The following MYO18B variants were observed in gnomAD, a reference collection of about 807,000 sequenced individuals.
MYO18B encodes unconventional myosin-XVIIIb.
In MYO18B, 204 loss-of-function variants were observed where a neutral mutation model predicts 273.0. The ratio of observed to expected loss-of-function variants is 0.75; its 90% CI spans 0.67 to 0.84. The LOEUF (loss-of-function observed/expected upper bound fraction) is 0.84, where lower values mean the gene tolerates loss of function less well. Ranked by LOEUF, MYO18B falls within the 40% of genes least tolerant of loss-of-function variation. The pLI, the probability that MYO18B is intolerant of heterozygous loss-of-function variation, is 0.00. For missense variants in MYO18B, 3,212 were observed against 3,287.6 expected, an observed-to-expected ratio of 0.98 and a Z score of 0.56; for synonymous variants, 1,330 against 1,305.7, an observed-to-expected ratio of 1.02 and a Z score of -0.40.
intron 26 of MYO18B, 124 bp downstream of exon 26, chr22:25,890,999 G>A (rs2091646327): frequency 7.3e-7 from 1 of 1,374,638 alleles, no homozygotes; most frequent in South Asian, 1.4e-5. Context: ...ACTGACTGCT[G>A]GGCTCAAGGT....
chr22:25,761,174 C>T, intron 2 of MYO18B, 43 bp downstream of exon 2: 1 of 1,608,688 alleles, frequency 6.2e-7, no homozygotes, highest in Non-Finnish European at 8.5e-7. Flanking sequence ...TCTGCAGGGA[C>T]TGACTCGACC....
At chr22:25,969,856 T>C (rs752293558) in intron 39 of MYO18B, among the ~76,000 whole-genome samples, 12 of 152,232 alleles carry the variant, frequency 7.9e-5, no homozygotes, top group Non-Finnish European at 1.3e-4. Flanking sequence ...GGGGATTACT[T>C]AATAAAATAA....
intron 11 of MYO18B, among the ~76,000 whole-genome samples, chr22:25,797,188 G>A (rs1166461485): frequency 4.6e-5 from 7 of 152,102 alleles, no homozygotes; most frequent in African/African-American, 9.7e-5. Flanking sequence ...AGATTGTGCC[G>A]TTGCACTCCA....
In MYO18B at chr22:25,950,550, G is replaced by GTGTGTGTGTGTGTGTA. The variant is rs539614518; in HGVS notation, c.5832+101_5832+102insGTGTGTGTGTGTGTAT. 8.8e-4 allele frequency: 652 copies of GTGTGTGTGTGTGTGTA among 740,334 alleles called. 1 individual carries two copies. In the East Asian group the frequency reaches 0.018, roughly 21 times the overall value. The allele number at this position is 740,334 out of a possible 1,614,324, so 45.9% of individuals were successfully genotyped here. A position where few individuals can be genotyped will look rare whatever the true frequency, so the allele number is the denominator to read the frequency against. ...TGTGTGTGTGTGTGTGTGTGTGTGTGTATGAGTTTATTGTTTGTTTATTTG... is the reference window on the plus strand; with the variant it reads ...TGTGTGTGTGTGTGTGTGTGTGTGTGTGTGTGTGTGTGTGTATATGAGTTTATTGTTTGTTTATTTG... On this transcript the variant is annotated intron_variant, in intron 37 of 43. Coordinates refer to ENST00000335473, the MANE Select transcript of MYO18B (RefSeq NM_032608.7).
intron 11 of MYO18B, among the ~76,000 whole-genome samples, chr22:25,795,863 A>G (rs985962068): frequency 6.6e-6 from 1 of 152,178 alleles, no homozygotes; most frequent in African/African-American, 2.4e-5. Context: ...GGAGGGGACA[A>G]GTATCTTGGA....
intron 34 of MYO18B, among the ~76,000 whole-genome samples, chr22:25,924,326 T>C (rs1487797206): frequency 6.6e-6 from 1 of 152,228 alleles, no homozygotes; most frequent in African/African-American, 2.4e-5. Context: ...GCTACTTAAG[T>C]GCTGAGCATG....
In MYO18B at chr22:25,846,182, C is replaced by T. The variant is rs2090238098; in HGVS notation, c.3451C>T (p.Gln1151Ter). 2 of 1,611,780 alleles carry T rather than the reference C, an allele frequency of 1.2e-6. No individual in the cohort carries two copies. The highest frequency in any genetic ancestry group is 1.1e-5 in the South Asian group (1 of 90,816). ...RAVAGLEGTSQQALQRSRMVR... is the reference protein window; with the variant it reads ...RAVAGLEGTS ...TGTGGCAGGCCTGGAGGGCACCTCC[C>T]AGCAGGCCCTGCAGAGGAGCCGCAT... is the stretch of plus-strand genomic sequence containing the variant. Residue 1151 changes from glutamine to a stop codon, truncating the protein, a stop_gained, in exon 19 of 44, where the codon CAG (glutamine) becomes TAG (stop). Transcript: ENST00000335473. LOFTEE classifies it high-confidence loss of function.
intron 1 of MYO18B, among the ~76,000 whole-genome samples, chr22:25,758,317 G>T (rs1601605251): frequency 1.4e-5 from 2 of 140,996 alleles, no homozygotes; most frequent in Non-Finnish European, 1.5e-5. Context: ...TGGCAGGAAA[G>T]TTTTTTTTTT....
At position 26,026,923 on chromosome 22, in the gene MYO18B, G is replaced by A. The variant is rs187337528; in HGVS notation, c.6949G>A (p.Ala2317Thr). The A allele has an allele frequency of 1.9e-5, 31 of 1,612,236 alleles. No homozygotes were observed. Among genetic ancestry groups the A allele is most frequent in the South Asian group, 1.8e-4 (16 of 90,960 alleles). Residue 2317 changes from alanine (A) to threonine (T), a missense_variant, in exon 43 of 44, where the codon GCT becomes ACT. Coordinates refer to ENST00000335473, the MANE Select transcript of MYO18B (RefSeq NM_032608.7). ...GTCACCCCTGGAAATCGAAGGGGCCGCTGGTGGTCTCTTGAGGTCCACCAG... is the reference window on the plus strand; with the variant it reads ...GTCACCCCTGGAAATCGAAGGGGCCACTGGTGGTCTCTTGAGGTCCACCAG... ...AKSPLEIEGA[A>T]GGLLRSTSLK...
Position 25,955,255 on chromosome 22 carries a change from A to C in MYO18B, c.6047A>C (p.Gln2016Pro). 6.2e-7 allele frequency: 1 copy of C among 1,613,678 alleles called. No homozygotes were observed. The highest frequency in any genetic ancestry group is 8.5e-7 in the Non-Finnish European group (1 of 1,179,834). Residue 2016 changes from glutamine (Q) to proline (P), a missense_variant, in exon 39 of 44, where the codon CAG (glutamine) becomes CCG (proline). Transcript: ENST00000335473. ...TCACAGGCGGCCACCTCCGAGTCCCAGCAGCGGGAGAGCAGCCAGTACTAC... is the reference window on the plus strand; with the variant it reads ...TCACAGGCGGCCACCTCCGAGTCCCCGCAGCGGGAGAGCAGCCAGTACTAC... ...ELSQAATSESQQRESSQYYQR... is the reference protein window; with the variant it reads ...ELSQAATSESPQRESSQYYQR...
At chr22:26,048,196 G>A in the MYO18B span, among the ~76,000 whole-genome samples, 5 of 152,018 alleles carry the variant, frequency 3.3e-5, no homozygotes, top group Admixed American at 1.3e-4. Context: ...GTCTGTTTCC[G>A]CTACTACTCA....
At chr22:26,050,855 A>C in the MYO18B span, among the ~76,000 whole-genome samples, 1 of 152,202 alleles carries the variant, frequency 6.6e-6, no homozygotes, top group South Asian at 2.1e-4. Context: ...GAGAAGGTCC[A>C]CCAGCGAATA....
chr22:25,827,388 TG>T (rs1291324821), intron 14 of MYO18B, among the ~76,000 whole-genome samples: 1 of 152,200 alleles, frequency 6.6e-6, no homozygotes, highest in Non-Finnish European at 1.5e-5. Context: ...TGGAGTGGGC[TG>T]GGGTGTGCCT....
At chr22:25,905,628 A>G (rs917684883) in intron 31 of MYO18B, among the ~76,000 whole-genome samples, 2 of 152,324 alleles carry the variant, frequency 1.3e-5, no homozygotes, top group East Asian at 3.9e-4. Flanking sequence ...AAAAGCCTGA[A>G]GACAGACAGG....
chr22:25,933,257 A>G lies in MYO18B; in HGVS notation c.5517+11848A>G, dbSNP rs1458109097. On this transcript the variant is annotated intron_variant, in intron 34 of 43. Coordinates refer to ENST00000335473, the MANE Select transcript of MYO18B (RefSeq NM_032608.7). ...AGGACTTTTAAAACCAGAAAGTCCCAGACCAAAAGGGATGAGCTTGTCATC... is the reference window on the plus strand; with the variant it reads ...AGGACTTTTAAAACCAGAAAGTCCCGGACCAAAAGGGATGAGCTTGTCATC... Among the ~76,000 whole-genome samples, 7 of 152,330 alleles carry G rather than the reference A, an allele frequency of 4.6e-5. No individual in the cohort carries two copies. The East Asian group carries it at 1.2e-3, about 25-fold the overall frequency.
At chr22:25,764,640 C>T (rs921939652) in intron 3 of MYO18B, among the ~76,000 whole-genome samples, 9 of 152,222 alleles carry the variant, frequency 5.9e-5, no homozygotes, top group East Asian at 1.9e-4. Context: ...TGAAATACCT[C>T]GGCCAAGTCT....
At chr22:25,987,678 T>G (rs141016560) in intron 39 of MYO18B, among the ~76,000 whole-genome samples, 1 of 152,070 alleles carries the variant, frequency 6.6e-6, no homozygotes, top group Non-Finnish European at 1.5e-5. Flanking sequence ...TCTGTGGAAG[T>G]GAGGACTTTA....
chr22:25,861,391 CCTTTGTTT>C lies in MYO18B; in HGVS notation c.3886-6926_3886-6919del, dbSNP rs1463610592. Among the ~76,000 whole-genome samples the C allele has an allele frequency of 2.6e-5, 4 of 152,134 alleles. No homozygotes were observed. In the East Asian group the frequency reaches 7.7e-4, roughly 29 times the overall value. Reference sequence around the variant, plus strand: ...ACCCTTTGTTGCTATAAAATGTCTCCCTTTGTTTCTAGTAATGATTTTTGTTTTCAATT... The same window carrying C: ...ACCCTTTGTTGCTATAAAATGTCTCCCTAGTAATGATTTTTGTTTTCAATT... On this transcript the variant is annotated intron_variant, in intron 21 of 43. Coordinates refer to ENST00000335473, the MANE Select transcript of MYO18B (RefSeq NM_032608.7).
chr22:25,895,066 A>G (rs2091764159), intron 27 of MYO18B, 90 bp from the exon 28 acceptor site: 2 of 1,463,604 alleles, frequency 1.4e-6, no homozygotes, highest in African/African-American at 1.4e-5. Context: ...ATTGCATGCC[A>G]AGAGCCAAGA....
Sources: allele counts gnomAD v4.1 joint callset (sites outside exome capture counted in the v4.1 genomes callset), GRCh38; gene constraint gnomAD v4.1.1; transcripts MANE v1.5; gene names NCBI Gene and HGNC (gene_info 2026-07-23, HGNC 2026-07-21).